The following ANKRD12 variants were observed in gnomAD, a reference collection of about 807,000 sequenced individuals.
The protein encoded by ANKRD12 is ankyrin repeat domain-containing protein 12.
A neutral mutation model predicts 183.4 loss-of-function variants in ANKRD12; 85 were observed. That is an observed-to-expected ratio of 0.46 (90% confidence interval 0.39 to 0.56). ANKRD12 has a LOEUF of 0.56. Among genes scored for constraint, ANKRD12 ranks in the 20% least tolerant of loss-of-function variants. ANKRD12 has a pLI of 0.00. For missense variants in ANKRD12, 2,405 were observed against 2,357.1 expected (o/e 1.02, Z -0.42); for synonymous variants, 914 against 800.2 (o/e 1.14, Z -2.40).
At position 9,257,483 on chromosome 18, in the gene ANKRD12, G is replaced by A; in HGVS notation, c.4216G>A (p.Glu1406Lys). 1.2e-6 allele frequency: 2 copies of A among 1,614,052 alleles called. No individual in the cohort carries two copies. The highest frequency in any genetic ancestry group is 1.7e-6 in the Non-Finnish European group (2 of 1,179,992). ...NTVMDSPVHL[E>K]PSSQVGVIQN... ...TGTAATGGACAGTCCAGTGCATTTA[G>A]AGCCATCTAGTCAGGTTGGTGTGAT... Residue 1406 changes from glutamate to lysine, a missense_variant, in exon 9 of 13, where the codon GAG (glutamate) becomes AAG (lysine). Physicochemically the swap from Glu to Lys is moderately conservative, Grantham distance 56 (BLOSUM62 1). Coordinates refer to ENST00000262126, the MANE Select transcript of ANKRD12 (RefSeq NM_015208.5).
At chr18:9,194,790 A>C (rs2034673866) in intron 2 of ANKRD12, among the ~76,000 whole-genome samples, 1 of 152,180 alleles carries the variant, frequency 6.6e-6, no homozygotes. Context: ...TGTTGTTTTA[A>C]AATTGTTATT....
chr18:9,214,820 G>A (rs545632811), intron 6 of ANKRD12, among the ~76,000 whole-genome samples: 1 of 152,252 alleles, frequency 6.6e-6, no homozygotes, highest in South Asian at 2.1e-4. Context: ...TAGTGGGTTT[G>A]AAAACGTTGC....
intron 7 of ANKRD12, among the ~76,000 whole-genome samples, chr18:9,221,041 A>G (rs2144742692): frequency 6.6e-6 from 1 of 152,316 alleles, no homozygotes; most frequent in East Asian, 1.9e-4. Flanking sequence ...GGTTTCAGCA[A>G]AGTTTCCTTG....
intron 8 of ANKRD12, among the ~76,000 whole-genome samples, chr18:9,249,412 C>G (rs978173983): frequency 2.4e-4 from 36 of 152,184 alleles, no homozygotes; most frequent in African/African-American, 8.0e-4. Context: ...ACTTACTCAT[C>G]TAGAATACAC....
At chr18:9,212,016 T>C (rs2035832060) in intron 6 of ANKRD12, among the ~76,000 whole-genome samples, 1 of 152,162 alleles carries the variant, frequency 6.6e-6, no homozygotes, top group African/African-American at 2.4e-5. Flanking sequence ...GTTGACATAT[T>C]ACTTGCTGTA....
chr18:9,236,967 A>G (rs767769618), intron 8 of ANKRD12, among the ~76,000 whole-genome samples: 1 of 152,220 alleles, frequency 6.6e-6, no homozygotes, highest in Non-Finnish European at 1.5e-5. Context: ...AGAATCCTGT[A>G]CCTGGCTGAG....
At chr18:9,223,847 A>G (rs1054036527) in intron 8 of ANKRD12, among the ~76,000 whole-genome samples, 2 of 152,234 alleles carry the variant, frequency 1.3e-5, no homozygotes, top group Non-Finnish European at 2.9e-5. Flanking sequence ...CGTAACCATT[A>G]GTACTTACGT....
In ANKRD12 at chr18:9,256,804, T is replaced by C; in HGVS notation, c.3537T>C (p.Ser1179=). 1.2e-6 allele frequency: 2 copies of C among 1,614,060 alleles called. No individual in the cohort carries two copies. The highest frequency in any genetic ancestry group is 1.7e-6 in the Non-Finnish European group (2 of 1,179,980). ...TKNVMTLGKS[S]FVSDNSLNRS... is the part of the protein sequence containing the mutation. ...ATGTAATGACTTTAGGGAAGTCATC[T>C]TTTGTTTCAGATAATAGCTTAAACA... The change falls in exon 9 of 13, where the codon TCT becomes TCC. Residue 1179 remains serine, a synonymous_variant. Transcript: ENST00000262126.
chr18:9,158,283 T>A (rs1320905779), intron 1 of ANKRD12, among the ~76,000 whole-genome samples: 2 of 152,222 alleles, frequency 1.3e-5, no homozygotes, highest in African/African-American at 4.8e-5. Flanking sequence ...AAATGATTGT[T>A]AACTAAAGTT....
At chr18:9,188,681 ACTCACTTGTCT>A (rs2034261548) in intron 2 of ANKRD12, among the ~76,000 whole-genome samples, 1 of 152,258 alleles carries the variant, frequency 6.6e-6, no homozygotes, top group Non-Finnish European at 1.5e-5. Context: ...AACAGCATGT[ACTCACTTGTCT>A]CTATGTCACA....
rs914408773 is a variant in ANKRD12 at position 9,285,830 on chromosome 18, T to G, written c.*4704T>G. 4.6e-5 allele frequency: 7 copies of G among 152,284 alleles called. No individual in the cohort carries two copies. The highest frequency in any genetic ancestry group is 1.7e-4 in the African/African-American group (7 of 41,570). 9.4% of individuals were successfully genotyped at this position (152,284 alleles called of 1,614,324 possible). Reference sequence around the variant, plus strand: ...CTGCCTTGTTTCTCAACATGATGTTTTGAAATTCATCCATGTTGCACCTAA... The same window carrying G: ...CTGCCTTGTTTCTCAACATGATGTTGTGAAATTCATCCATGTTGCACCTAA... On this transcript the variant is annotated 3_prime_UTR_variant, in exon 13 of 13. Transcript: ENST00000262126.
At chr18:9,179,081 C>T (rs2033507529) in intron 1 of ANKRD12, among the ~76,000 whole-genome samples, 1 of 152,012 alleles carries the variant, frequency 6.6e-6, no homozygotes, top group Admixed American at 6.6e-5. Flanking sequence ...TTTCTAATTG[C>T]TTATTGCTAA....
chr18:9,177,729 C>T (rs2033387167), intron 1 of ANKRD12, among the ~76,000 whole-genome samples: 1 of 152,172 alleles, frequency 6.6e-6, no homozygotes, highest in Admixed American at 6.5e-5. Flanking sequence ...CTTCATCCCC[C>T]ACCCTCCACA....
At chr18:9,161,876 T>C (rs1242158410) in intron 1 of ANKRD12, among the ~76,000 whole-genome samples, 3 of 151,686 alleles carry the variant, frequency 2.0e-5, no homozygotes, top group Non-Finnish European at 4.4e-5. Context: ...TTTATAACGT[T>C]TTTTAGAGAC....
At chr18:9,162,432 T>G (rs2031551879) in intron 1 of ANKRD12, among the ~76,000 whole-genome samples, 2 of 152,244 alleles carry the variant, frequency 1.3e-5, no homozygotes, top group Admixed American at 1.3e-4. Context: ...TACCACATTT[T>G]CTTTATCCAG....
chr18:9,149,666 A>G (rs2078611509), intron 1 of ANKRD12, among the ~76,000 whole-genome samples: 1 of 152,134 alleles, frequency 6.6e-6, no homozygotes, highest in Non-Finnish European at 1.5e-5. Context: ...TTATTATTTC[A>G]GGCAATTGGA....
intron 8 of ANKRD12, among the ~76,000 whole-genome samples, chr18:9,224,998 G>A (rs1251046411): frequency 1.3e-5 from 2 of 151,988 alleles, no homozygotes; most frequent in African/African-American, 2.4e-5. Context: ...GCTATTCCAG[G>A]AGCTGAACCC....
chr18:9,168,795 CT>C (rs1239839452), intron 1 of ANKRD12, among the ~76,000 whole-genome samples: 1 of 152,076 alleles, frequency 6.6e-6, no homozygotes, highest in African/African-American at 2.4e-5. Flanking sequence ...TTCTCTAGTT[CT>C]TTTAATTGTG....
At chr18:9,154,242 C>G (rs1187210833) in intron 1 of ANKRD12, among the ~76,000 whole-genome samples, 1 of 151,988 alleles carries the variant, frequency 6.6e-6, no homozygotes, top group Non-Finnish European at 1.5e-5. Context: ...GGCAACATGG[C>G]AAAACCCTGT....
Sources: gnomAD v4.1 joint callset for allele counts (sites outside exome capture counted in the v4.1 genomes callset) on GRCh38, gnomAD v4.1.1 for gene constraint, MANE v1.5 for transcripts, NCBI Gene and HGNC (gene_info 2026-07-23, HGNC 2026-07-21) for gene names.